Variants in MINDY4 observed in about 807,000 individuals in gnomAD.
MINDY4 encodes the protein probable ubiquitin carboxyl-terminal hydrolase MINDY-4.
Under a neutral mutation model 87.0 loss-of-function variants are expected in MINDY4, and 68 were observed. The observed-to-expected ratio is 0.78, with a 90% confidence interval of 0.64 to 0.96. The LOEUF (loss-of-function observed/expected upper bound fraction) is 0.96. Ranked by LOEUF, MINDY4 falls within the 40% of genes least tolerant of loss-of-function variation. The pLI, the probability that MINDY4 is intolerant of heterozygous loss-of-function variation, is 0.00. For missense variants in MINDY4, 919 were observed against 928.2 expected, an observed-to-expected ratio of 0.99 and a Z score of 0.13; for synonymous variants, 379 against 363.2, an observed-to-expected ratio of 1.04 and a Z score of -0.50.
At chr7:30,881,536 A>T (rs957950647) in intron 15 of MINDY4, among the ~76,000 whole-genome samples, 7 of 152,138 alleles carry the variant, frequency 4.6e-5, no homozygotes, top group African/African-American at 1.7e-4. Flanking sequence ...TTCTAGTTCA[A>T]GTCCTGCTTC....
At chr7:30,781,747 A>C in intron 2 of MINDY4, 1 of 512,284 alleles carries the variant, frequency 2.0e-6, no homozygotes, top group East Asian at 3.3e-5. Context: ...CACCTGCCTC[A>C]TGCGTTGGAT....
At chr7:30,820,498 T>TA (rs1442560332) in intron 5 of MINDY4, among the ~76,000 whole-genome samples, 1 of 152,256 alleles carries the variant, frequency 6.6e-6, no homozygotes, top group Non-Finnish European at 1.5e-5. Context: ...GAAAATCCTT[T>TA]ATGCATTAAG....
In MINDY4 at chr7:30,877,933, G is replaced by A. The variant is rs143557074; in HGVS notation, c.1971+2277G>A. On this transcript the variant is annotated intron_variant, in intron 15 of 17. Coordinates refer to ENST00000265299, the MANE Select transcript of MINDY4 (RefSeq NM_032222.3). ...GACCTCAAGTGATCCACCCACCTCA[G>A]CCTTACAAAGTGCTAGGGTTACAGG... 6.5e-3 allele frequency among the ~76,000 whole-genome samples: 902 copies of A among 138,400 alleles called. 7 individuals carry two copies. Among genetic ancestry groups the A allele is most frequent in the Non-Finnish European group, 0.01 (680 of 65,522 alleles). 90.8% of individuals were successfully genotyped at this position (138,400 alleles called of 152,430 possible). A position where few individuals can be genotyped will look rare whatever the true frequency, so the allele number is the denominator to read the frequency against.
intron 5 of MINDY4, among the ~76,000 whole-genome samples, chr7:30,798,282 T>C (rs1371856553): frequency 6.6e-6 from 1 of 152,228 alleles, no homozygotes; most frequent in East Asian, 1.9e-4. Context: ...GTGATATATG[T>C]GGTCTGATAT....
chr7:30,791,187 T>C lies in MINDY4; in HGVS notation c.686T>C (p.Leu229Pro), dbSNP rs998819205. The C allele has an allele frequency of 2.9e-5, 47 of 1,613,466 alleles. No individual in the cohort carries two copies. Among genetic ancestry groups the C allele is most frequent in the African/African-American group, 4.0e-5 (3 of 74,888 alleles). Residue 229 changes from leucine (L) to proline (P), a missense_variant, in exon 5 of 18, where the codon CTG (leucine) becomes CCG (proline). Coordinates refer to ENST00000265299, the MANE Select transcript of MINDY4 (RefSeq NM_032222.3). ...TAGGATTCTTTTCACAGACACTATCTGAGACGGTCCTCACCGTCAAGCAGC... is the reference window on the plus strand; with the variant it reads ...TAGGATTCTTTTCACAGACACTATCCGAGACGGTCCTCACCGTCAAGCAGC... ...SPQDSFHRHY[L>P]RRSSPSSSST...
In MINDY4 at chr7:30,804,548, G is replaced by A. The variant is rs1787749787; in HGVS notation, c.1073+12974G>A. 2.0e-5 allele frequency among the ~76,000 whole-genome samples: 3 copies of A among 152,306 alleles called. No homozygotes were observed. The South Asian group carries it at 6.2e-4, about 32-fold the overall frequency. On this transcript the variant is annotated intron_variant, in intron 5 of 17. Coordinates refer to ENST00000265299, the MANE Select transcript of MINDY4 (RefSeq NM_032222.3). ...ATATGTACTACAGGATTAAGAAAAA[G>A]ATGAGTGTGATAAGGGATCTGGCAG...
At chr7:30,868,682 TC>T (rs1400238896) in intron 13 of MINDY4, among the ~76,000 whole-genome samples, 2 of 152,208 alleles carry the variant, frequency 1.3e-5, no homozygotes, top group Non-Finnish European at 2.9e-5. Context: ...TCCCCTTTGT[TC>T]TGTTTCTTGA....
intron 13 of MINDY4, 27 bp downstream of exon 13, chr7:30,859,351 T>TG (rs1205598033): frequency 6.2e-7 from 1 of 1,608,078 alleles, no homozygotes; most frequent in East Asian, 2.2e-5. Context: ...CTCAACTCCC[T>TG]GGGGCTGGGC....
intron 8 of MINDY4, 99 bp from the exon 9 acceptor site, chr7:30,840,661 C>A: frequency 1.0e-6 from 1 of 972,544 alleles, no homozygotes; most frequent in Non-Finnish European, 1.6e-6. Context: ...GGCAGGGCCC[C>A]TTTACTCTAT....
intron 5 of MINDY4, among the ~76,000 whole-genome samples, chr7:30,807,157 C>A (rs1270700216): frequency 6.6e-6 from 1 of 152,190 alleles, no homozygotes; most frequent in Non-Finnish European, 1.5e-5. Context: ...GGATTAGAGG[C>A]TGTTTGGCAA....
At chr7:30,883,628 G>A (rs117097102) in intron 17 of MINDY4, among the ~76,000 whole-genome samples, 4,957 of 152,284 alleles carry the variant, frequency 0.033, 128 homozygotes, top group Non-Finnish European at 0.046. Context: ...TCCTTGCTGT[G>A]TTCTCTGAGT....
At chr7:30,875,845 C>T (rs1158749591) in intron 15 of MINDY4, among the ~76,000 whole-genome samples, 189 bp downstream of exon 15, 1 of 152,152 alleles carries the variant, frequency 6.6e-6, no homozygotes, top group Non-Finnish European at 1.5e-5. Context: ...TAATTCAGAC[C>T]CAAAGCCAGC....
chr7:30,836,830 T>C (rs1788872160), intron 7 of MINDY4, 66 bp downstream of exon 7: 1 of 1,242,096 alleles, frequency 8.1e-7, no homozygotes, highest in Non-Finnish European at 1.2e-6. Flanking sequence ...GGCGTGATTT[T>C]GGTGTTTCTG....
chr7:30,839,312 A>G lies in MINDY4; in HGVS notation c.1352A>G (p.Asn451Ser). 1 of 1,586,040 alleles carries G rather than the reference A, an allele frequency of 6.3e-7. No homozygotes were observed. Among genetic ancestry groups the G allele is most frequent in the Non-Finnish European group, 8.6e-7 (1 of 1,166,152 alleles). The change falls in exon 8 of 18, where the codon AAC (asparagine) becomes AGC (serine). Residue 451 changes from asparagine to serine, a missense_variant. Coordinates refer to ENST00000265299, the MANE Select transcript of MINDY4 (RefSeq NM_032222.3). The stretch of plus-strand genomic sequence containing the variant: ...TCATTAAAATACGGCATAGTGCAGA[A>G]CAAGGCAGGTTGCTCCTAGGTTTCC... ...TASLKYGIVQ[N>S]KGGPCGVLAA...
chr7:30,784,509 C>T (rs956518555), intron 3 of MINDY4, among the ~76,000 whole-genome samples: 3 of 152,196 alleles, frequency 2.0e-5, no homozygotes, highest in East Asian at 3.9e-4. Flanking sequence ...CCTAAGATAG[C>T]GTGAGCTTTC....
In MINDY4 at chr7:30,799,633, G is replaced by T. The variant is rs142018076; in HGVS notation, c.1073+8059G>T. Among the ~76,000 whole-genome samples the T allele has an allele frequency of 7.4e-3, 1,124 of 152,312 alleles. 21 individuals carry two copies. The highest frequency in any genetic ancestry group is 0.025 in the African/African-American group (1,040 of 41,560). The stretch of plus-strand genomic sequence containing the variant: ...TGGACTGGCAGCATCTGCATCATCT[G>T]GGAACTTTTTAGAAACAGCTTGTCT... On this transcript the variant is annotated intron_variant, in intron 5 of 17. Transcript: ENST00000265299.
intron 5 of MINDY4, among the ~76,000 whole-genome samples, chr7:30,811,907 GCTC>G (rs758460760): frequency 1.3e-5 from 2 of 152,212 alleles, no homozygotes; most frequent in Non-Finnish European, 2.9e-5. Flanking sequence ...TCTTGCCAAA[GCTC>G]CTGGCCGAAT....
chr7:30,851,650 G>C (rs1789416031), intron 10 of MINDY4, among the ~76,000 whole-genome samples: 1 of 152,184 alleles, frequency 6.6e-6, no homozygotes. Flanking sequence ...GAGAACAGAT[G>C]GGGCAGGAAT....
chr7:30,797,442 T>C (rs1787523005), intron 5 of MINDY4, among the ~76,000 whole-genome samples: 1 of 152,164 alleles, frequency 6.6e-6, no homozygotes, highest in African/African-American at 2.4e-5. Context: ...AGGGTTACAC[T>C]TGAGAGGAGG....
Sources: allele counts gnomAD v4.1 joint callset (sites outside exome capture counted in the v4.1 genomes callset), GRCh38; gene constraint gnomAD v4.1.1; transcripts MANE v1.5; gene names NCBI Gene and HGNC (gene_info 2026-07-23, HGNC 2026-07-21).